Variants in NOS1 observed in about 807,000 individuals in gnomAD.
NOS1 encodes nitric oxide synthase 1, also known as NOS type I.
In NOS1, 51 loss-of-function variants were observed where a neutral mutation model predicts 164.5. The observed-to-expected ratio is 0.31, with a 90% CI of 0.25 to 0.39. The LOEUF is 0.39. NOS1 is among the 10% of genes least tolerant of loss of function. NOS1 has a pLI of 1.00. For missense variants in NOS1, 1,362 were observed against 1,885.6 expected (o/e 0.72, Z 5.14); for synonymous variants, 719 against 745.8 (o/e 0.96, Z 0.59).
chr12:117,351,142 C>T (rs71469798), intron 1 of NOS1, among the ~76,000 whole-genome samples: 8,399 of 152,190 alleles, frequency 0.055, 275 homozygotes, highest in East Asian at 0.1. Context: ...AAAAAAGTCT[C>T]TTGCCCTCTG....
Position 117,214,683 on chromosome 12 carries a change from T to A in NOS1, c.*626A>T, listed in dbSNP as rs1392122912. On this transcript the variant is annotated 3_prime_UTR_variant, in exon 29 of 29. Transcript: ENST00000317775. ...TTATGGGGCTTCCAAATGTTTCAGG[T>A]ACATGGGCGTGGACCCTAATTATGG... The A allele has an allele frequency of 2.0e-6, 2 of 985,200 alleles. No homozygotes were observed. Among genetic ancestry groups the A allele is most frequent in the East Asian group, 2.3e-4 (2 of 8,814 alleles). 61.0% of individuals were successfully genotyped at this position (985,200 alleles called of 1,614,324 possible). A position where few individuals can be genotyped will look rare whatever the true frequency, so the allele number is the denominator to read the frequency against.
chr12:117,311,408 G>A (rs1452130935), intron 3 of NOS1, 58 bp downstream of exon 3: 1 of 1,520,768 alleles, frequency 6.6e-7, no homozygotes, highest in Non-Finnish European at 8.9e-7. Flanking sequence ...CTTCCCACCT[G>A]GGAGGGGGTC....
chr12:117,271,709 C>A (rs1872804844), intron 10 of NOS1, among the ~76,000 whole-genome samples: 1 of 152,202 alleles, frequency 6.6e-6, no homozygotes, highest in African/African-American at 2.4e-5. Context: ...TGAAACAAAT[C>A]CAACAGCAGC....
intron 13 of NOS1, 69 bp downstream of exon 13, chr12:117,263,820 A>G: frequency 8.2e-7 from 1 of 1,214,162 alleles, no homozygotes; most frequent in Non-Finnish European, 1.2e-6. Flanking sequence ...GAGTCTGCCC[A>G]GCCTCCTTCT....
chr12:117,356,034 G>C lies in NOS1; in HGVS notation c.-421+5478C>G, dbSNP rs1171272264. 6.6e-6 allele frequency among the ~76,000 whole-genome samples: 1 copy of C among 152,202 alleles called. No homozygotes were observed. Among genetic ancestry groups the C allele is most frequent in the Non-Finnish European group, 1.5e-5 (1 of 68,036 alleles). On this transcript the variant is annotated intron_variant, in intron 1 of 28. Transcript: ENST00000317775. This position sits in a 1 kb window ranked among gnomAD's most constrained non-coding sequence, Gnocchi z 4.2. ...CCCAAAGTGTTGGGATTACAGGCGTGAGCCACTGTGTCTGGCTGGCTCTTT... is the reference window on the plus strand; with the variant it reads ...CCCAAAGTGTTGGGATTACAGGCGTCAGCCACTGTGTCTGGCTGGCTCTTT...
At chr12:117,344,721 T>C (rs1250470104) in intron 1 of NOS1, among the ~76,000 whole-genome samples, 1 of 152,250 alleles carries the variant, frequency 6.6e-6, no homozygotes, top group Non-Finnish European at 1.5e-5. Context: ...ATTGATTTTA[T>C]AAACCTCCTA....
intron 3 of NOS1, among the ~76,000 whole-genome samples, chr12:117,291,317 T>C (rs16947421): frequency 0.034 from 5,111 of 152,276 alleles, 232 homozygotes; most frequent in African/African-American, 0.1. Context: ...TCCAGGCTTG[T>C]TCCTGCCTCA....
chr12:117,247,171 A>T (rs962087805), intron 18 of NOS1, among the ~76,000 whole-genome samples, 177 bp downstream of exon 18: 2 of 152,058 alleles, frequency 1.3e-5, no homozygotes, highest in African/African-American at 4.8e-5. Flanking sequence ...GGTAGAAAAT[A>T]TGTGTTTTCA....
rs1873329574 is a variant in NOS1 at position 117,278,088 on chromosome 12, T to C, written c.1535A>G (p.Gln512Arg). 1 of 1,613,098 alleles carries C rather than the reference T, an allele frequency of 6.2e-7. No homozygotes were observed. Among genetic ancestry groups the C allele is most frequent in the Non-Finnish European group, 8.5e-7 (1 of 1,179,608 alleles). The change falls in exon 9 of 29, where the codon CAG becomes CGG. Residue 512 changes from glutamine (Q) to arginine (R), a missense_variant. Transcript: ENST00000317775. ...GCCTCTAGGCGGTTTCCAGCCCTGC[T>C]GTATGCATATCTGCAAGCAGACCCG... The part of the protein sequence containing the change: ...ANVQFTEICI[Q>R]QGWKPPRGRF...
chr12:117,219,585 G>T (rs757195354), intron 27 of NOS1, among the ~76,000 whole-genome samples: 38 of 152,152 alleles, frequency 2.5e-4, no homozygotes, highest in Admixed American at 5.9e-4. Context: ...GGAATTATAG[G>T]CGTGAGCCAC....
At chr12:117,274,292 T>G (rs1045781180) in intron 9 of NOS1, among the ~76,000 whole-genome samples, 1 of 152,004 alleles carries the variant, frequency 6.6e-6, no homozygotes, top group Non-Finnish European at 1.5e-5. Context: ...AGGACGGCAA[T>G]TATAAAGAGA....
intron 17 of NOS1, among the ~76,000 whole-genome samples, chr12:117,250,830 C>A (rs544930505): frequency 1.3e-5 from 2 of 152,148 alleles, no homozygotes; most frequent in East Asian, 1.9e-4. Flanking sequence ...ACTAGTCATG[C>A]CTTCTGGTTA....
At chr12:117,324,310 A>G (rs572388896) in intron 2 of NOS1, among the ~76,000 whole-genome samples, 191 of 152,330 alleles carry the variant, frequency 1.3e-3, no homozygotes, top group African/African-American at 4.4e-3. Flanking sequence ...AGGGGTTATC[A>G]GAGCAGGGCG....
chr12:117,344,078 T>C (rs1483007017), intron 1 of NOS1, among the ~76,000 whole-genome samples: 3 of 152,228 alleles, frequency 2.0e-5, no homozygotes, highest in Non-Finnish European at 4.4e-5. Flanking sequence ...GACTCTTCAA[T>C]TGTATAAAAT....
At chr12:117,253,331 T>A (rs1218774924) in intron 17 of NOS1, among the ~76,000 whole-genome samples, 2 of 152,076 alleles carry the variant, frequency 1.3e-5, no homozygotes, top group Non-Finnish European at 2.9e-5. Flanking sequence ...GAAGGGCAGC[T>A]CATTGAGCAA....
chr12:117,253,055 C>G (rs9658447), intron 17 of NOS1, among the ~76,000 whole-genome samples: 2 of 152,138 alleles, frequency 1.3e-5, no homozygotes, highest in Non-Finnish European at 2.9e-5. Context: ...TATGTGACTA[C>G]GCCATGAGAT....
At chr12:117,305,228 C>T (rs1226947155) in intron 3 of NOS1, among the ~76,000 whole-genome samples, 12 of 151,962 alleles carry the variant, frequency 7.9e-5, no homozygotes, top group South Asian at 2.1e-4. Flanking sequence ...TTTGGGAGGC[C>T]GAGGCGGGTG....
chr12:117,303,072 A>G (rs1167857300), intron 3 of NOS1, among the ~76,000 whole-genome samples: 1 of 152,158 alleles, frequency 6.6e-6, no homozygotes, highest in African/African-American at 2.4e-5. Context: ...TTATCCTGAC[A>G]TCATTACCGT....
chr12:117,312,218 G>A (rs1874466424), intron 2 of NOS1, among the ~76,000 whole-genome samples: 1 of 152,152 alleles, frequency 6.6e-6, no homozygotes, highest in South Asian at 2.1e-4. Context: ...GACTTTACAT[G>A]TGGGTTTTTA....
Sources: gnomAD v4.1 joint callset for allele counts (sites outside exome capture counted in the v4.1 genomes callset) on GRCh38, gnomAD v4.1.1 for gene constraint, Gnocchi (gnomAD v3.1) non-coding constraint, MANE v1.5 for transcripts, NCBI Gene and HGNC (gene_info 2026-07-23, HGNC 2026-07-21) for gene names.